STX8: variants seen among roughly 807,000 people sequenced by gnomAD.
The protein encoded by STX8 is syntaxin-8.
STX8 carries 23 observed loss-of-function variants against 37.5 expected under a neutral mutation model. That is an observed-to-expected ratio of 0.61 (90% CI 0.44 to 0.87). The LOEUF is 0.87. Ranked by LOEUF, STX8 falls within the 40% of genes least tolerant of loss-of-function variation. The pLI is 0.00. For missense variants in STX8, 313 were observed against 284.7 expected (o/e 1.10, Z -0.71); for synonymous variants, 115 against 99.1 (o/e 1.16, Z -0.95).
intron 6 of STX8, among the ~76,000 whole-genome samples, chr17:9,394,478 A>G (rs1421057133): frequency 6.6e-6 from 1 of 151,574 alleles, no homozygotes; most frequent in Non-Finnish European, 1.5e-5. Context: ...CCCGGGTTCA[A>G]GTGATTCTCC....
chr17:9,372,485 AT>A (rs1353851178), intron 7 of STX8, among the ~76,000 whole-genome samples: 1 of 151,372 alleles, frequency 6.6e-6, no homozygotes, highest in East Asian at 1.9e-4. Flanking sequence ...TTATTTATTA[AT>A]TTTTTTTCTG....
In STX8 at chr17:9,475,130, T is replaced by G. The variant is rs562807335; in HGVS notation, c.541+16699A>C. Among the ~76,000 whole-genome samples, 19 of 152,330 alleles carry G rather than the reference T, an allele frequency of 1.2e-4. No individual in the cohort carries two copies. In the South Asian group the frequency reaches 3.9e-3, roughly 32 times the overall value. On this transcript the variant is annotated intron_variant, in intron 6 of 7. Transcript: ENST00000306357. ...AGTAGAGAAAGCACACATGGTTGCC[T>G]CCTTCATTCCAAAGAGCACAATGAA...
intron 7 of STX8, among the ~76,000 whole-genome samples, chr17:9,299,638 T>C (rs971038281): frequency 5.9e-5 from 9 of 151,954 alleles, no homozygotes; most frequent in African/African-American, 2.2e-4. Context: ...AGAGACAGGG[T>C]TTCACCGTGT....
intron 7 of STX8, among the ~76,000 whole-genome samples, chr17:9,258,581 C>G (rs1906888012): frequency 6.6e-6 from 1 of 152,212 alleles, no homozygotes; most frequent in South Asian, 2.1e-4. Context: ...ACCTACCTGC[C>G]TCTGATCACA....
intron 6 of STX8, among the ~76,000 whole-genome samples, chr17:9,446,038 A>G (rs532692158): frequency 6.6e-6 from 1 of 152,046 alleles, no homozygotes; most frequent in Non-Finnish European, 1.5e-5. Context: ...GGGTTTCACC[A>G]TGTTAGCCAG....
chr17:9,300,331 C>CAAA (rs3060137), intron 7 of STX8, among the ~76,000 whole-genome samples: 1,310 of 68,914 alleles, frequency 0.019, 19 homozygotes, highest in Non-Finnish European at 0.023. Flanking sequence ...AACTCCATCT[C>CAAA]AAAAAAAAAA....
At chr17:9,488,153 C>T (rs1906685150) in intron 6 of STX8, among the ~76,000 whole-genome samples, 1 of 152,156 alleles carries the variant, frequency 6.6e-6, no homozygotes, top group South Asian at 2.1e-4. Flanking sequence ...AGGGTGAAAC[C>T]TCGTCTCCAC....
intron 5 of STX8, among the ~76,000 whole-genome samples, chr17:9,497,927 T>C (rs775962245): frequency 9.9e-5 from 15 of 152,182 alleles, no homozygotes; most frequent in Non-Finnish European, 1.8e-4. Flanking sequence ...CAGTCTCTGC[T>C]AGACAGAAAG....
At chr17:9,433,608 C>T (rs1914049779) in intron 6 of STX8, among the ~76,000 whole-genome samples, 1 of 151,962 alleles carries the variant, frequency 6.6e-6, no homozygotes, top group Non-Finnish European at 1.5e-5. Flanking sequence ...TTAAATATTA[C>T]CATTTTTTGT....
chr17:9,331,876 T>C (rs528184700), intron 7 of STX8, among the ~76,000 whole-genome samples: 5 of 151,616 alleles, frequency 3.3e-5, no homozygotes, highest in Non-Finnish European at 7.4e-5. Flanking sequence ...ACAAAGTGTA[T>C]GGAAAGGAAA....
chr17:9,391,242 T>A (rs55776831), intron 6 of STX8, among the ~76,000 whole-genome samples: 29,326 of 151,544 alleles, frequency 0.19, 2,975 homozygotes, highest in East Asian at 0.23. Flanking sequence ...TCACTTGAGG[T>A]CAGGAGTTCG....
intron 4 of STX8, among the ~76,000 whole-genome samples, chr17:9,534,565 C>T (rs374552692): frequency 1.2e-4 from 18 of 152,208 alleles, no homozygotes; most frequent in Admixed American, 2.6e-4. Flanking sequence ...CCGAGCTAGG[C>T]GGATCATGAG....
At chr17:9,392,519 A>C (rs1375608605) in intron 6 of STX8, among the ~76,000 whole-genome samples, 1 of 152,138 alleles carries the variant, frequency 6.6e-6, no homozygotes, top group Admixed American at 6.5e-5. Context: ...AGAAAGGAGA[A>C]TCACTTGAGC....
intron 7 of STX8, among the ~76,000 whole-genome samples, chr17:9,368,762 G>A (rs1911307924): frequency 6.6e-6 from 1 of 152,046 alleles, no homozygotes; most frequent in Admixed American, 6.6e-5. Context: ...GAAGCAGCTT[G>A]TCTTACTAAT....
chr17:9,296,500 C>A (rs867310978), intron 7 of STX8, among the ~76,000 whole-genome samples: 411 of 122,992 alleles, frequency 3.3e-3, no homozygotes, highest in Middle Eastern at 9.3e-3. Flanking sequence ...CTCCATCTCT[C>A]AAAAAAAAAA....
intron 6 of STX8, among the ~76,000 whole-genome samples, chr17:9,470,481 A>C (rs1299931896): frequency 6.6e-6 from 1 of 152,250 alleles, no homozygotes; most frequent in African/African-American, 2.4e-5. Flanking sequence ...TCTGAGGATA[A>C]GCCAAGCTCA....
At position 9,419,515 on chromosome 17, in the gene STX8, G is replaced by A. The variant is rs368386198; in HGVS notation, c.542-40862C>T. On this transcript the variant is annotated intron_variant, in intron 6 of 7. Transcript: ENST00000306357. ...ATGGAACCAGTTGGATCATTCACAA[G>A]AGAAGGGTGGAAGTTGAATTTCAAC... Among the ~76,000 whole-genome samples the A allele has an allele frequency of 1.5e-4, 23 of 152,336 alleles. 1 individual carries two copies. In the South Asian group the frequency reaches 4.3e-3, roughly 29 times the overall value.
intron 7 of STX8, among the ~76,000 whole-genome samples, chr17:9,346,100 C>T (rs917179395): frequency 5.9e-5 from 9 of 152,070 alleles, no homozygotes; most frequent in African/African-American, 1.9e-4. Context: ...GATCTACCTG[C>T]CTCAGCCTCC....
At chr17:9,337,317 G>A (rs879687) in intron 7 of STX8, among the ~76,000 whole-genome samples, 126,407 of 152,138 alleles carry the variant, frequency 0.83, 52,962 homozygotes, top group East Asian at 0.91. Context: ...TGGGATAGAG[G>A]ATGAGCCAAG....
Sources: gnomAD v4.1 joint callset for allele counts (sites outside exome capture counted in the v4.1 genomes callset) on GRCh38, gnomAD v4.1.1 for gene constraint, MANE v1.5 for transcripts, NCBI Gene and HGNC (gene_info 2026-07-23, HGNC 2026-07-21) for gene names.